PI4KA: variants seen among roughly 807,000 people sequenced by gnomAD.
PI4KA encodes PI4-kinase alpha.
PI4KA carries 122 observed loss-of-function variants against 271.4 expected under a neutral mutation model. The observed-to-expected ratio is 0.45, with a 90% CI of 0.39 to 0.52. The LOEUF (loss-of-function observed/expected upper bound fraction) is 0.52, where lower values mean the gene tolerates loss of function less well. Among genes scored for constraint, PI4KA ranks in the 20% least tolerant of loss-of-function variants. The pLI is 0.00. For missense variants in PI4KA, 1,969 were observed against 2,769.1 expected (o/e 0.71, Z 6.48); for synonymous variants, 1,041 against 1,078.8 (o/e 0.96, Z 0.69).
In PI4KA at chr22:20,708,115, G is replaced by C; in HGVS notation, c.6258-17C>G. The stretch of plus-strand genomic sequence containing the variant: ...GTCCGGCTCCTGAAAGGCCAAGGAA[G>C]AGTGAAGGGAGATTCGAGGAGCCAG... On this transcript the variant is annotated splice_polypyrimidine_tract_variant and intron_variant, in intron 54 of 54. Transcript: ENST00000255882. The C allele has an allele frequency of 6.2e-7, 1 of 1,611,206 alleles. No individual in the cohort carries two copies. The highest frequency in any genetic ancestry group is 8.5e-7 in the Non-Finnish European group (1 of 1,177,476).
At chr22:20,817,734 C>T (rs552040256) in intron 7 of PI4KA, among the ~76,000 whole-genome samples, 81 of 13,968 alleles carry the variant, frequency 5.8e-3, no homozygotes, top group African/African-American at 0.018. Context: ...ACTCTCTCTC[C>T]AAAAAAAAAA....
rs1477143076 is a variant in PI4KA, at chr22:20,742,759, A to G, written c.3462T>C (p.Tyr1154=). 1 of 1,614,050 alleles carries G rather than the reference A, an allele frequency of 6.2e-7. No individual in the cohort carries two copies. Among genetic ancestry groups the G allele is most frequent in the South Asian group, 1.1e-5 (1 of 91,086 alleles). ...TGGTGCCTGAGAACCGAATCATTCCATACACCTGCAAAAACATTCTCATCA... is the reference window on the plus strand; with the variant it reads ...TGGTGCCTGAGAACCGAATCATTCCGTACACCTGCAAAAACATTCTCATCA... ...NLRNRYAGEV[Y]GMIRFSGTTG... The change falls in exon 31 of 55, where the codon TAT becomes TAC. Residue 1154 remains tyrosine (Y), a synonymous_variant. Coordinates refer to ENST00000255882, the MANE Select transcript of PI4KA (RefSeq NM_058004.4).
At chr22:20,809,897 AG>A (rs1935897460) in intron 9 of PI4KA, among the ~76,000 whole-genome samples, 1 of 152,200 alleles carries the variant, frequency 6.6e-6, no homozygotes, top group Non-Finnish European at 1.5e-5. Flanking sequence ...GGTACGAAGC[AG>A]GAAGAGACAT....
intron 18 of PI4KA, among the ~76,000 whole-genome samples, chr22:20,793,778 G>C (rs1378420616): frequency 6.6e-6 from 1 of 152,180 alleles, no homozygotes; most frequent in African/African-American, 2.4e-5. Context: ...TCCCAAGTTA[G>C]GGAAATTTGG....
intron 42 of PI4KA, among the ~76,000 whole-genome samples, chr22:20,725,181 T>C (rs1179455094): frequency 2.0e-5 from 3 of 152,228 alleles, no homozygotes; most frequent in South Asian, 4.2e-4. Context: ...CCAGGACACA[T>C]GGAGTCTGCT....
intron 36 of PI4KA, 149 bp downstream of exon 36, chr22:20,732,822 C>T (rs1429062014): frequency 1.4e-6 from 1 of 719,230 alleles, no homozygotes; most frequent in Admixed American, 2.5e-5. Flanking sequence ...CATGCACCGG[C>T]CTCCAATGAC....
chr22:20,840,591 T>C (rs552724158), intron 1 of PI4KA, among the ~76,000 whole-genome samples: 1 of 152,280 alleles, frequency 6.6e-6, no homozygotes, highest in South Asian at 2.1e-4. Context: ...GGCGAAGATG[T>C]TAGCATGGTA....
intron 39 of PI4KA, among the ~76,000 whole-genome samples, chr22:20,728,196 T>C (rs987448902): frequency 3.3e-5 from 5 of 152,160 alleles, no homozygotes; most frequent in African/African-American, 1.2e-4. Flanking sequence ...CATGCCTGTA[T>C]CAAAACATCT....
chr22:20,817,102 T>C (rs1472826051), intron 7 of PI4KA, among the ~76,000 whole-genome samples: 1 of 152,192 alleles, frequency 6.6e-6, no homozygotes, highest in Non-Finnish European at 1.5e-5. Context: ...AACACATATA[T>C]AGAATGTAAC....
At chr22:20,739,353 A>C (rs535039393) in intron 32 of PI4KA, among the ~76,000 whole-genome samples, 46 of 151,070 alleles carry the variant, frequency 3.0e-4, no homozygotes, top group Non-Finnish European at 1.5e-4. Context: ...AAAAAAAACA[A>C]AAAAAAGCAA....
chr22:20,799,060 GGTT>G, intron 16 of PI4KA, 30 bp downstream of exon 16: 1 of 1,580,798 alleles, frequency 6.3e-7, no homozygotes, highest in Non-Finnish European at 8.7e-7. Context: ...GCTTGCACAG[GGTT>G]AGTGGTGTTC....
At chr22:20,822,764 T>A (rs774057423) in intron 4 of PI4KA, among the ~76,000 whole-genome samples, 6 of 152,212 alleles carry the variant, frequency 3.9e-5, no homozygotes, top group Non-Finnish European at 1.5e-5. Context: ...ACTTCATTTC[T>A]CTCAACCATT....
intron 4 of PI4KA, among the ~76,000 whole-genome samples, chr22:20,822,196 C>G (rs1418224101): frequency 6.6e-6 from 1 of 152,144 alleles, no homozygotes; most frequent in Non-Finnish European, 1.5e-5. Context: ...AGGCATGTGT[C>G]ACTATGCCCA....
At chr22:20,723,865 G>T (rs969596386) in intron 42 of PI4KA, among the ~76,000 whole-genome samples, 1 of 151,478 alleles carries the variant, frequency 6.6e-6, no homozygotes, top group African/African-American at 2.4e-5. Flanking sequence ...TTGAGACGGA[G>T]TCTCACTGTA....
chr22:20,739,169 C>A (rs1038946239), intron 32 of PI4KA, among the ~76,000 whole-genome samples: 1 of 150,190 alleles, frequency 6.7e-6, no homozygotes, highest in Admixed American at 6.6e-5. Flanking sequence ...CACAGTGAAA[C>A]CCCGTCTCTA....
intron 39 of PI4KA, among the ~76,000 whole-genome samples, chr22:20,728,468 C>A (rs1927631069): frequency 1.3e-5 from 2 of 152,280 alleles, no homozygotes; most frequent in South Asian, 4.1e-4. Flanking sequence ...AAACCCCTGC[C>A]TCTTACTCCT....
At chr22:20,781,441 G>A (rs145850902) in intron 19 of PI4KA, among the ~76,000 whole-genome samples, 1 of 152,314 alleles carries the variant, frequency 6.6e-6, no homozygotes, top group Non-Finnish European at 1.5e-5. Context: ...TAGCTCCCGT[G>A]GTTTTATAGC....
At chr22:20,786,192 C>T in intron 19 of PI4KA, 1 of 1,608,468 alleles carries the variant, frequency 6.2e-7, no homozygotes. Context: ...CCAGGGTCTG[C>T]CTCAGCACAG....
At chr22:20,759,522 G>A (rs1931735231) in intron 23 of PI4KA, among the ~76,000 whole-genome samples, 1 of 147,738 alleles carries the variant, frequency 6.8e-6, no homozygotes, top group Non-Finnish European at 1.5e-5. Flanking sequence ...TCCTGCCTCA[G>A]CCTCCCCAGC....
Sources: gnomAD v4.1 joint callset for allele counts (sites outside exome capture counted in the v4.1 genomes callset) on GRCh38, gnomAD v4.1.1 for gene constraint, MANE v1.5 for transcripts, NCBI Gene and HGNC (gene_info 2026-07-23, HGNC 2026-07-21) for gene names.